Variants in NPAS3 observed in about 807,000 individuals in gnomAD.
NPAS3 encodes neuronal PAS domain-containing protein 3.
A neutral mutation model predicts 73.1 loss-of-function variants in NPAS3; 14 were observed. The observed-to-expected ratio is 0.19, with a 90% CI of 0.13 to 0.30. NPAS3 has a LOEUF of 0.30. Ranked by LOEUF, NPAS3 falls within the 10% of genes least tolerant of loss-of-function variation. The probability of loss-of-function intolerance (pLI) is 1.00; values close to 1 mark genes in which losing one functional copy is unlikely to be tolerated. For synonymous variants in NPAS3, 620 were observed against 541.5 expected, an observed-to-expected ratio of 1.14 and a Z score of -2.01; for missense variants, 1,096 against 1,250.0, an observed-to-expected ratio of 0.88 and a Z score of 1.86.
At chr14:33,212,152 A>T (rs2047063856) in intron 2 of NPAS3, among the ~76,000 whole-genome samples, 1 of 152,224 alleles carries the variant, frequency 6.6e-6, no homozygotes, top group South Asian at 2.1e-4. Context: ...ATTAATGCAC[A>T]ATCTAGAGTG....
chr14:33,051,280 C>CAAAAAAAAAAAAAAAAAAAAA (rs1236766783), intron 1 of NPAS3, among the ~76,000 whole-genome samples: 3 of 64,256 alleles, frequency 4.7e-5, no homozygotes, highest in African/African-American at 1.9e-4. Flanking sequence ...GACTCCGTCT[C>CAAAAAAAAAAAAAAAAAAAAA]AAAAAAAAAA....
chr14:33,019,139 G>T (rs10139092), intron 1 of NPAS3, among the ~76,000 whole-genome samples: 14,958 of 152,206 alleles, frequency 0.098, 1,579 homozygotes, highest in African/African-American at 0.25. Context: ...ATTTTAGTAA[G>T]GAAGTGTGTT....
intron 2 of NPAS3, among the ~76,000 whole-genome samples, chr14:33,081,181 G>T (rs898168671): frequency 1.3e-5 from 2 of 152,104 alleles, no homozygotes; most frequent in Non-Finnish European, 2.9e-5. Context: ...TGGTATGGCC[G>T]TAGACTAGAG....
chr14:33,207,681 A>T (rs1482086744), intron 2 of NPAS3, among the ~76,000 whole-genome samples: 1 of 152,218 alleles, frequency 6.6e-6, no homozygotes, highest in Non-Finnish European at 1.5e-5. Context: ...GCTCTCAGAC[A>T]GAATTTATGA....
intron 5 of NPAS3, among the ~76,000 whole-genome samples, chr14:33,568,419 A>G (rs1240844889): frequency 1.3e-5 from 2 of 152,154 alleles, no homozygotes; most frequent in African/African-American, 4.8e-5. Context: ...GGCTTATTTT[A>G]TTATGCAAAG....
chr14:33,061,748 G>C (rs932206141), intron 2 of NPAS3, among the ~76,000 whole-genome samples: 2 of 152,176 alleles, frequency 1.3e-5, no homozygotes, highest in Non-Finnish European at 2.9e-5. Context: ...CTTATTCAGA[G>C]GTGACTAAGA....
chr14:33,429,406 G>A (rs890147139), intron 4 of NPAS3, among the ~76,000 whole-genome samples: 7 of 152,142 alleles, frequency 4.6e-5, no homozygotes, highest in African/African-American at 1.4e-4. Context: ...GACTTGTACT[G>A]TAGAGACCAA....
chr14:33,691,323 A>T (rs1244939038), intron 6 of NPAS3, among the ~76,000 whole-genome samples: 1 of 152,232 alleles, frequency 6.6e-6, no homozygotes, highest in Non-Finnish European at 1.5e-5. Flanking sequence ...ACAAAAGATG[A>T]TCGTTATTCC....
chr14:33,422,884 G>A (rs535754082), intron 4 of NPAS3, among the ~76,000 whole-genome samples: 1 of 152,034 alleles, frequency 6.6e-6, no homozygotes, highest in Non-Finnish European at 1.5e-5. Flanking sequence ...ATGGAATAGT[G>A]GAATTTTAAA....
chr14:33,688,012 T>G (rs2060136531), intron 6 of NPAS3, among the ~76,000 whole-genome samples: 1 of 152,216 alleles, frequency 6.6e-6, no homozygotes, highest in African/African-American at 2.4e-5. Flanking sequence ...GCACAGCTGA[T>G]GTAAAGTCTA....
chr14:33,176,359 A>G (rs2045590450), intron 2 of NPAS3, among the ~76,000 whole-genome samples: 1 of 152,150 alleles, frequency 6.6e-6, no homozygotes, highest in East Asian at 1.9e-4. Context: ...CCATTAAACA[A>G]TAGCCCCTCC....
chr14:33,446,809 T>G (rs2049529970), intron 4 of NPAS3, among the ~76,000 whole-genome samples: 1 of 152,382 alleles, frequency 6.6e-6, no homozygotes, highest in South Asian at 2.1e-4. Flanking sequence ...AGTATATTCA[T>G]GTATGATCTG....
chr14:33,148,978 G>C (rs992814745), intron 2 of NPAS3, among the ~76,000 whole-genome samples: 1 of 151,940 alleles, frequency 6.6e-6, no homozygotes, highest in African/African-American at 2.4e-5. Flanking sequence ...GATACCCCGC[G>C]AGCCACCGGG....
At chr14:33,529,382 G>C (rs927689481) in intron 4 of NPAS3, among the ~76,000 whole-genome samples, 2 of 151,998 alleles carry the variant, frequency 1.3e-5, no homozygotes, top group Non-Finnish European at 2.9e-5. Context: ...AAATAACCTC[G>C]TAACAGTGGA....
chr14:33,270,113 G>A (rs186662458), intron 3 of NPAS3, among the ~76,000 whole-genome samples: 251 of 152,126 alleles, frequency 1.6e-3, no homozygotes, highest in Non-Finnish European at 2.5e-3. Flanking sequence ...TAAGGAAAGC[G>A]GTTGGCCTTT....
At chr14:33,747,542 T>C (rs2061843173) in intron 7 of NPAS3, among the ~76,000 whole-genome samples, 1 of 152,150 alleles carries the variant, frequency 6.6e-6, no homozygotes, top group South Asian at 2.1e-4. Context: ...GTAATAAGAC[T>C]CTTACAAACA....
intron 4 of NPAS3, among the ~76,000 whole-genome samples, chr14:33,501,902 C>G (rs977600155): frequency 2.0e-5 from 3 of 151,858 alleles, no homozygotes. Context: ...TTCTCTGGAG[C>G]ACATTTATAC....
intron 3 of NPAS3, among the ~76,000 whole-genome samples, chr14:33,261,301 T>TA (rs34511636): frequency 0.76 from 113,385 of 148,610 alleles, 43,859 homozygotes; most frequent in Admixed American, 0.84. Flanking sequence ...AGCTTTTATT[T>TA]AAAAAAAAAA....
chr14:33,405,163 G>A (rs1441458977), intron 4 of NPAS3, among the ~76,000 whole-genome samples: 2 of 152,036 alleles, frequency 1.3e-5, no homozygotes, highest in Admixed American at 1.3e-4. Context: ...GCATGTTGCT[G>A]CAGCTCTCTG....
Sources: gnomAD v4.1 joint callset for allele counts (sites outside exome capture counted in the v4.1 genomes callset) on GRCh38, gnomAD v4.1.1 for gene constraint, MANE v1.5 for transcripts, NCBI Gene and HGNC (gene_info 2026-07-23, HGNC 2026-07-21) for gene names.